CCDC170: variants seen among roughly 807,000 people sequenced by gnomAD.
CCDC170 encodes coiled-coil domain containing 170, also known as coiled-coil domain-containing protein 170.
Under a neutral mutation model 72.6 loss-of-function variants are expected in CCDC170, and 69 were observed. That is an observed-to-expected ratio of 0.95 (90% CI 0.78 to 1.16). CCDC170 has a LOEUF of 1.16. Among genes scored for constraint, CCDC170 ranks in the 50% most tolerant of loss-of-function variants. CCDC170 has a pLI of 0.00. For missense variants in CCDC170, 852 were observed against 832.5 expected, an observed-to-expected ratio of 1.02 and a Z score of -0.29; for synonymous variants, 300 against 303.9, an observed-to-expected ratio of 0.99 and a Z score of 0.13.
chr6:151,615,025 G>C (rs1437708739), intron 9 of CCDC170, among the ~76,000 whole-genome samples: 3 of 152,094 alleles, frequency 2.0e-5, no homozygotes, highest in Non-Finnish European at 2.9e-5. Flanking sequence ...GGCTCTCATG[G>C]GATACAGCAT....
chr6:151,586,578 A>G (rs1362778699), intron 7 of CCDC170, among the ~76,000 whole-genome samples: 5 of 152,078 alleles, frequency 3.3e-5, no homozygotes, highest in Non-Finnish European at 5.9e-5. Context: ...GAAGAAAGGC[A>G]TGAAATCTGG....
intron 8 of CCDC170, 79 bp from the exon 9 acceptor site, chr6:151,596,256 T>A: frequency 7.0e-7 from 1 of 1,437,600 alleles, no homozygotes; most frequent in Non-Finnish European, 9.2e-7. Flanking sequence ...TAGATAGAGA[T>A]CAACATTATC....
chr6:151,499,045 T>C (rs1187748211), intron 1 of CCDC170, among the ~76,000 whole-genome samples: 1 of 142,246 alleles, frequency 7.0e-6, no homozygotes, highest in East Asian at 2.5e-4. Flanking sequence ...GGAATCAGAC[T>C]GTATTTGACT....
At chr6:151,580,905 A>T (rs758315244) in intron 6 of CCDC170, among the ~76,000 whole-genome samples, 3 of 152,230 alleles carry the variant, frequency 2.0e-5, no homozygotes, top group Non-Finnish European at 4.4e-5. Flanking sequence ...TGCATATAAA[A>T]GTTATGTTTA....
At chr6:151,577,535 C>T (rs756144522) in intron 6 of CCDC170, among the ~76,000 whole-genome samples, 1 of 152,318 alleles carries the variant, frequency 6.6e-6, no homozygotes, top group East Asian at 1.9e-4. Context: ...TCACCTCTAT[C>T]TGGACATTTT....
At chr6:151,516,783 C>T (rs1326346936) in intron 1 of CCDC170, among the ~76,000 whole-genome samples, 7 of 152,258 alleles carry the variant, frequency 4.6e-5, no homozygotes, top group Non-Finnish European at 7.4e-5. Context: ...CAACCAGGTG[C>T]GATGTTTACC....
At chr6:151,525,230 C>T (rs555120924) in intron 1 of CCDC170, among the ~76,000 whole-genome samples, 16 of 152,300 alleles carry the variant, frequency 1.1e-4, no homozygotes, top group African/African-American at 2.9e-4. Context: ...CCACACCCAG[C>T]CTAGTCTGAT....
intron 7 of CCDC170, among the ~76,000 whole-genome samples, chr6:151,588,783 A>T (rs927756347): frequency 6.6e-6 from 1 of 151,988 alleles, no homozygotes; most frequent in Admixed American, 6.6e-5. Flanking sequence ...TCTACAAAAA[A>T]CACAAAATTT....
chr6:151,545,805 T>C (rs1042887088), intron 4 of CCDC170, among the ~76,000 whole-genome samples: 7 of 152,126 alleles, frequency 4.6e-5, no homozygotes, highest in Non-Finnish European at 8.8e-5. Context: ...TGGCTAATTA[T>C]TTTATTTATG....
intron 10 of CCDC170, 33 bp from the exon 11 acceptor site, chr6:151,617,914 T>C: frequency 6.3e-7 from 1 of 1,595,314 alleles, no homozygotes; most frequent in South Asian, 1.1e-5. Flanking sequence ...CATTTTGTTC[T>C]CCCAGTTAAT....
At chr6:151,584,990 G>A (rs1271440308) in intron 6 of CCDC170, among the ~76,000 whole-genome samples, 3 of 152,064 alleles carry the variant, frequency 2.0e-5, no homozygotes, top group Non-Finnish European at 2.9e-5. Flanking sequence ...ATAAACCATC[G>A]AAAGAAAACA....
intron 1 of CCDC170, among the ~76,000 whole-genome samples, chr6:151,503,263 C>A (rs759743900): frequency 6.6e-6 from 1 of 151,640 alleles, no homozygotes; most frequent in East Asian, 1.9e-4. Flanking sequence ...GTGTTAAGTC[C>A]TTTGAAAAGA....
chr6:151,580,081 C>G (rs1431978755), intron 6 of CCDC170, among the ~76,000 whole-genome samples: 1 of 152,152 alleles, frequency 6.6e-6, no homozygotes, highest in African/African-American at 2.4e-5. Context: ...TGCAGTTACT[C>G]TGGGCATCAG....
chr6:151,526,859 CTG>C (rs1215231613), intron 1 of CCDC170, among the ~76,000 whole-genome samples: 1 of 151,960 alleles, frequency 6.6e-6, no homozygotes, highest in Non-Finnish European at 1.5e-5. Flanking sequence ...TTTTAGAATG[CTG>C]CCTTCACTTC....
chr6:151,549,404 TCTTA>T (rs796585039), intron 5 of CCDC170, among the ~76,000 whole-genome samples: 33 of 152,318 alleles, frequency 2.2e-4, no homozygotes, highest in African/African-American at 7.2e-4. Flanking sequence ...AGAGAAGATG[TCTTA>T]CTTTAGTTAA....
At chr6:151,567,506 AC>A (rs951787174) in intron 5 of CCDC170, among the ~76,000 whole-genome samples, 4 of 152,178 alleles carry the variant, frequency 2.6e-5, no homozygotes, top group Non-Finnish European at 5.9e-5. Flanking sequence ...TGCTGGAATT[AC>A]AGGTGTGAGC....
At chr6:151,503,683 G>C (rs1036032958) in intron 1 of CCDC170, among the ~76,000 whole-genome samples, 5 of 152,114 alleles carry the variant, frequency 3.3e-5, no homozygotes, top group Admixed American at 2.0e-4. Context: ...GAACTCCTGA[G>C]CTCAGGTGAT....
intron 9 of CCDC170, among the ~76,000 whole-genome samples, chr6:151,602,769 T>C (rs1273291836): frequency 3.3e-5 from 5 of 152,154 alleles, no homozygotes; most frequent in Non-Finnish European, 4.4e-5. Flanking sequence ...AATTTATTTC[T>C]GTTATAAATT....
At chr6:151,600,562 TG>T (rs903515075) in intron 9 of CCDC170, among the ~76,000 whole-genome samples, 12 of 152,120 alleles carry the variant, frequency 7.9e-5, no homozygotes, top group African/African-American at 2.7e-4. Context: ...AATCATTACC[TG>T]CAAAGGCCCT....
Sources: gnomAD v4.1 joint callset for allele counts (sites outside exome capture counted in the v4.1 genomes callset) on GRCh38, gnomAD v4.1.1 for gene constraint, MANE v1.5 for transcripts, NCBI Gene and HGNC (gene_info 2026-07-23, HGNC 2026-07-21) for gene names.